MDGA2: variants seen among roughly 807,000 people sequenced by gnomAD.
The protein encoded by MDGA2 is MAM domain containing glycosylphosphatidylinositol anchor 2, also known as MAM domain-containing glycosylphosphatidylinositol anchor protein 2.
In MDGA2, 40 loss-of-function variants were observed where a neutral mutation model predicts 117.8. That is an observed-to-expected ratio of 0.34 (90% CI 0.26 to 0.44). The LOEUF (loss-of-function observed/expected upper bound fraction) is 0.44, where lower values mean the gene tolerates loss of function less well. Among genes scored for constraint, MDGA2 ranks in the 20% least tolerant of loss-of-function variants. The pLI, the probability that MDGA2 is intolerant of heterozygous loss-of-function variation, is 1.00. For synonymous variants in MDGA2, 452 were observed against 439.0 expected, an observed-to-expected ratio of 1.03 and a Z score of -0.37; for missense variants, 1,123 against 1,250.6, an observed-to-expected ratio of 0.90 and a Z score of 1.54.
chr14:47,253,975 T>C (rs911817342), intron 2 of MDGA2, among the ~76,000 whole-genome samples: 1 of 152,250 alleles, frequency 6.6e-6, no homozygotes, highest in Non-Finnish European at 1.5e-5. Context: ...TTGCACCTTC[T>C]GAAGCAATGG....
intron 8 of MDGA2, among the ~76,000 whole-genome samples, chr14:46,967,968 C>A (rs1886103193): frequency 6.6e-6 from 1 of 151,790 alleles, no homozygotes; most frequent in Non-Finnish European, 1.5e-5. Flanking sequence ...GTGACTGACC[C>A]CCAGGGCTTC....
intron 1 of MDGA2, among the ~76,000 whole-genome samples, chr14:47,352,480 C>T (rs1472914285): frequency 6.6e-6 from 1 of 152,136 alleles, no homozygotes; most frequent in Non-Finnish European, 1.5e-5. Flanking sequence ...TGGACTCAGC[C>T]CACCGGCACT....
chr14:47,326,349 T>C (rs1159508952), intron 1 of MDGA2, among the ~76,000 whole-genome samples: 1 of 152,130 alleles, frequency 6.6e-6, no homozygotes, highest in African/African-American at 2.4e-5. Context: ...ATGAGATAGG[T>C]ACTATTCTCC....
In MDGA2 at chr14:47,258,494, A is replaced by G. The variant is rs962152931; in HGVS notation, c.421-40299T>C. Among the ~76,000 whole-genome samples the G allele has an allele frequency of 5.3e-5, 8 of 152,206 alleles. No individual in the cohort carries two copies. The East Asian group carries it at 7.7e-4, about 15-fold the overall frequency. On this transcript the variant is annotated intron_variant, in intron 2 of 16. Coordinates refer to ENST00000399232, the MANE Select transcript of MDGA2 (RefSeq NM_001113498.3). ...AAGGAAGAAACTCGCCCCATGATCA[A>G]ATCACTTCCCACCAAGCCCCTCTTC...
intron 1 of MDGA2, among the ~76,000 whole-genome samples, chr14:47,511,724 T>G (rs561490051): frequency 1.3e-5 from 2 of 152,118 alleles, no homozygotes; most frequent in Admixed American, 1.3e-4. Flanking sequence ...AGAGGAAAGG[T>G]AGCAAATGAA....
intron 1 of MDGA2, among the ~76,000 whole-genome samples, chr14:47,363,388 G>C (rs1002205555): frequency 6.6e-6 from 1 of 152,040 alleles, no homozygotes; most frequent in African/African-American, 2.4e-5. Flanking sequence ...CTCCTGAGTA[G>C]CTGGGATTAC....
intron 1 of MDGA2, among the ~76,000 whole-genome samples, chr14:47,648,246 A>G (rs1017365237): frequency 6.6e-6 from 1 of 152,124 alleles, no homozygotes; most frequent in Non-Finnish European, 1.5e-5. Context: ...ACCTTTCACT[A>G]TTTATGCAGT....
At chr14:47,404,497 T>TA (rs34336561) in intron 1 of MDGA2, among the ~76,000 whole-genome samples, 50 of 147,140 alleles carry the variant, frequency 3.4e-4, no homozygotes, top group Middle Eastern at 3.6e-3. Context: ...ATACCAAGTT[T>TA]AAAAAAAAAA....
intron 1 of MDGA2, among the ~76,000 whole-genome samples, chr14:47,560,314 G>C (rs1895774053): frequency 6.6e-6 from 1 of 151,032 alleles, no homozygotes. Flanking sequence ...CTCGTGATCT[G>C]CCCGCCTCGG....
chr14:46,896,209 A>T (rs1465059127), intron 10 of MDGA2, among the ~76,000 whole-genome samples: 3 of 152,176 alleles, frequency 2.0e-5, no homozygotes, highest in East Asian at 3.9e-4. Context: ...TGATATATAA[A>T]TTTAAACATA....
intron 5 of MDGA2, among the ~76,000 whole-genome samples, chr14:47,104,839 C>T (rs1880555790): frequency 6.6e-6 from 1 of 152,090 alleles, no homozygotes; most frequent in African/African-American, 2.4e-5. Context: ...GGTAAGCGGC[C>T]TCTTTTTACT....
At chr14:46,969,974 A>ATATC (rs1182921749) in intron 8 of MDGA2, among the ~76,000 whole-genome samples, 15 of 143,384 alleles carry the variant, frequency 1.0e-4, no homozygotes, top group Non-Finnish European at 1.5e-4. Context: ...ATATATATAT[A>ATATC]TATGGAATAA....
chr14:47,404,954 C>G (rs1040619640), intron 1 of MDGA2, among the ~76,000 whole-genome samples: 2 of 152,068 alleles, frequency 1.3e-5, no homozygotes, highest in African/African-American at 2.4e-5. Flanking sequence ...CCCATGAAAA[C>G]AATGATGAAA....
At chr14:47,207,915 T>A (rs1885745452) in intron 3 of MDGA2, among the ~76,000 whole-genome samples, 1 of 151,998 alleles carries the variant, frequency 6.6e-6, no homozygotes. Context: ...ATCACACCAG[T>A]ATGTTTCAGA....
intron 6 of MDGA2, among the ~76,000 whole-genome samples, chr14:47,089,504 T>C (rs973473422): frequency 6.6e-6 from 1 of 151,894 alleles, no homozygotes. Flanking sequence ...GCCCCCTGAG[T>C]AGTTGGGATT....
At chr14:47,370,556 A>G (rs968220128) in intron 1 of MDGA2, among the ~76,000 whole-genome samples, 17 of 132,268 alleles carry the variant, frequency 1.3e-4, no homozygotes, top group African/African-American at 4.8e-4. Context: ...GCATTCAAAG[A>G]GAAATTTAGA....
At chr14:47,490,317 G>T (rs555842963) in intron 1 of MDGA2, among the ~76,000 whole-genome samples, 10 of 152,024 alleles carry the variant, frequency 6.6e-5, no homozygotes, top group African/African-American at 2.4e-4. Flanking sequence ...CATATATAGA[G>T]AAATCACTTT....
At chr14:47,106,191 G>T (rs1228550780) in intron 5 of MDGA2, among the ~76,000 whole-genome samples, 2 of 151,988 alleles carry the variant, frequency 1.3e-5, no homozygotes, top group South Asian at 4.2e-4. Context: ...TCAAAAGGCC[G>T]TCTTATTCTC....
At chr14:47,311,915 TG>T (rs1889647972) in intron 1 of MDGA2, among the ~76,000 whole-genome samples, 1 of 152,086 alleles carries the variant, frequency 6.6e-6, no homozygotes, top group Admixed American at 6.6e-5. Flanking sequence ...CATTCCTTTG[TG>T]TCTTTGGGGA....
Sources: gnomAD v4.1 joint callset for allele counts (sites outside exome capture counted in the v4.1 genomes callset) on GRCh38, gnomAD v4.1.1 for gene constraint, MANE v1.5 for transcripts, NCBI Gene and HGNC (gene_info 2026-07-23, HGNC 2026-07-21) for gene names.